Variants in SEPTIN10 observed in about 807,000 individuals in gnomAD.
SEPTIN10 encodes the protein septin 10.
SEPTIN10 carries 66 observed loss-of-function variants against 54.8 expected under a neutral mutation model. The ratio of observed to expected loss-of-function variants is 1.21; its 90% CI spans 0.99 to 1.48. The LOEUF (loss-of-function observed/expected upper bound fraction) is 1.48, where lower values mean the gene tolerates loss of function less well. SEPTIN10 is among the 40% of genes most tolerant of loss of function. The pLI is 0.00. For missense variants in SEPTIN10, 620 were observed against 545.6 expected, an observed-to-expected ratio of 1.14 and a Z score of -1.36; for synonymous variants, 161 against 181.0, an observed-to-expected ratio of 0.89 and a Z score of 0.89.
intron 1 of SEPTIN10, among the ~76,000 whole-genome samples, chr2:109,609,895 A>G (rs1284182390): frequency 4.6e-5 from 7 of 152,182 alleles, no homozygotes; most frequent in African/African-American, 1.7e-4. Context: ...CAGTCAGTGG[A>G]CTGTACTCAA....
At chr2:109,613,194 G>C (rs1163231548) in intron 1 of SEPTIN10, 1 of 1,287,768 alleles carries the variant, frequency 7.8e-7, no homozygotes, top group Non-Finnish European at 1.0e-6. Flanking sequence ...AAAACCGCTG[G>C]CTTACTAACA....
intron 2 of SEPTIN10, 145 bp downstream of exon 2, chr2:109,592,906 A>G: frequency 2.3e-6 from 1 of 442,252 alleles, no homozygotes; most frequent in Non-Finnish European, 4.0e-6. Context: ...TTTTCACTTG[A>G]ATCAACAGAA....
rs747756175 is a variant in SEPTIN10 at position 109,583,940 on chromosome 2, T to C, written c.413+1186A>G. ...TTATAAGTAAGTGGGATCTAAACATTGGGTACACATGGATATAAAGATGGC... is the reference window on the plus strand; with the variant it reads ...TTATAAGTAAGTGGGATCTAAACATCGGGTACACATGGATATAAAGATGGC... On this transcript the variant is annotated intron_variant, in intron 4 of 10. Coordinates refer to ENST00000397712, the MANE Select transcript of SEPTIN10 (RefSeq NM_144710.5). 6.3e-4 allele frequency among the ~76,000 whole-genome samples: 96 copies of C among 152,120 alleles called. 1 individual carries two copies. The highest frequency in any genetic ancestry group is 1.6e-4 in the Non-Finnish European group (11 of 68,022).
chr2:109,601,765 TAAA>T (rs199504357), intron 1 of SEPTIN10, among the ~76,000 whole-genome samples: 2 of 143,768 alleles, frequency 1.4e-5, no homozygotes, highest in Admixed American at 1.4e-4. Flanking sequence ...ACCCTGAAGT[TAAA>T]AAAAAAAAAA....
At position 109,582,216 on chromosome 2, in the gene SEPTIN10, G is replaced by A. The variant is rs562298468; in HGVS notation, c.413+2910C>T. 3.9e-5 allele frequency among the ~76,000 whole-genome samples: 6 copies of A among 152,006 alleles called. No homozygotes were observed. The South Asian group carries it at 6.2e-4, about 16-fold the overall frequency. On this transcript the variant is annotated intron_variant, in intron 4 of 10. Transcript: ENST00000397712. ...GCTGAAAGAAATCACAGATGACACC[G>A]ACAAACTGAAAAAATGCTCATGGAA...
intron 5 of SEPTIN10, among the ~76,000 whole-genome samples, chr2:109,568,600 TTC>T (rs1687622027): frequency 6.6e-6 from 1 of 152,172 alleles, no homozygotes; most frequent in African/African-American, 2.4e-5. Context: ...TCACATTTTC[TTC>T]TCTCTCAAAA....
chr2:109,568,059 A>G, intron 5 of SEPTIN10, 83 bp from the exon 6 acceptor site: 4 of 1,081,100 alleles, frequency 3.7e-6, no homozygotes, highest in Non-Finnish European at 5.3e-6. Context: ...AAAACTGTTC[A>G]TTCTGACAAT....
chr2:109,592,084 G>A (rs980733758), intron 2 of SEPTIN10, among the ~76,000 whole-genome samples: 1 of 152,146 alleles, frequency 6.6e-6, no homozygotes, highest in Non-Finnish European at 1.5e-5. Flanking sequence ...GCATCAGGGA[G>A]GCAGCTGGCA....
At chr2:109,555,631 G>A (rs1684187046) in intron 8 of SEPTIN10, among the ~76,000 whole-genome samples, 1 of 152,186 alleles carries the variant, frequency 6.6e-6, no homozygotes, top group Admixed American at 6.5e-5. Context: ...CACGACCCAG[G>A]CACAAGTGTT....
At chr2:109,567,682 C>T in intron 6 of SEPTIN10, 133 bp downstream of exon 6, 1 of 901,154 alleles carries the variant, frequency 1.1e-6, no homozygotes, top group Non-Finnish European at 1.6e-6. Flanking sequence ...TCATACTGGA[C>T]TTTTTGAAAA....
intron 8 of SEPTIN10, among the ~76,000 whole-genome samples, chr2:109,557,263 C>T: frequency 6.6e-6 from 1 of 152,112 alleles, no homozygotes; most frequent in East Asian, 1.9e-4. Context: ...TATACAAGCA[C>T]TTGAGTTGTT....
At chr2:109,563,165 C>A (rs1558744711) in intron 8 of SEPTIN10, among the ~76,000 whole-genome samples, 1 of 152,150 alleles carries the variant, frequency 6.6e-6, no homozygotes, top group African/African-American at 2.4e-5. Flanking sequence ...CCCGCCTTGG[C>A]CTCCCAAAGT....
chr2:109,591,387 G>A (rs1694036835), intron 2 of SEPTIN10, among the ~76,000 whole-genome samples: 1 of 152,084 alleles, frequency 6.6e-6, no homozygotes, highest in South Asian at 2.1e-4. Flanking sequence ...ACAAAAGAGG[G>A]GCCAGGGAAA....
chr2:109,596,423 C>T (rs1695324870), intron 1 of SEPTIN10, among the ~76,000 whole-genome samples: 1 of 151,942 alleles, frequency 6.6e-6, no homozygotes, highest in Non-Finnish European at 1.5e-5. Context: ...CAAGACCATC[C>T]TGGCTAACAC....
At position 109,565,777 on chromosome 2, in the gene SEPTIN10, C is replaced by G. The variant is rs751689147; in HGVS notation, c.845G>C (p.Trp282Ser). 6.2e-7 allele frequency: 1 copy of G among 1,613,900 alleles called. No individual in the cohort carries two copies. Among genetic ancestry groups the G allele is most frequent in the South Asian group, 1.1e-5 (1 of 91,070 alleles). Reference protein sequence around the residue: ...NKMVKARQYPWGVVQVENENH... With the variant: ...NKMVKARQYPSGVVQVENENH... ...GTCTCATTTACCTTGTACAACACCCCAAGGGTACTGGCGAGCTTTGACCAT... is the reference window on the plus strand; with the variant it reads ...GTCTCATTTACCTTGTACAACACCCGAAGGGTACTGGCGAGCTTTGACCAT... The change falls in exon 7 of 11, where the codon TGG becomes TCG. Residue 282 changes from tryptophan to serine, a missense_variant. By Grantham distance (177) the Trp-to-Ser change is radical. Transcript: ENST00000397712.
At chr2:109,574,475 A>T in intron 5 of SEPTIN10, 106 bp downstream of exon 5, 1 of 669,748 alleles carries the variant, frequency 1.5e-6, no homozygotes, top group Non-Finnish European at 2.1e-6. Context: ...AATTTAAAAA[A>T]GATGCACAGG....
chr2:109,584,400 G>A (rs1691957251), intron 4 of SEPTIN10, among the ~76,000 whole-genome samples: 1 of 150,728 alleles, frequency 6.6e-6, no homozygotes, highest in Admixed American at 6.6e-5. Flanking sequence ...GCTTGAACTG[G>A]GGAGGTGGAG....
chr2:109,550,358 G>A (rs1682603085), intron 9 of SEPTIN10, among the ~76,000 whole-genome samples: 1 of 151,348 alleles, frequency 6.6e-6, no homozygotes, highest in Non-Finnish European at 1.5e-5. Context: ...TGTTGCCCAG[G>A]CTGGAGTGCA....
rs377442440 is a variant in SEPTIN10 at position 109,553,059 on chromosome 2, G to C, written c.1161+28C>G. The C allele has an allele frequency of 3.4e-5, 55 of 1,599,148 alleles. 1 individual carries two copies. The African/African-American group carries it at 6.8e-4, about 20-fold the overall frequency. On this transcript the variant is annotated intron_variant, in intron 9 of 10. Transcript: ENST00000397712. The stretch of plus-strand genomic sequence containing the variant: ...TTAATAGGACATCTAAAAAATAAAT[G>C]CAAATCACATCAAACCAGCATACTT...
Sources: allele counts gnomAD v4.1 joint callset (sites outside exome capture counted in the v4.1 genomes callset), GRCh38; gene constraint gnomAD v4.1.1; transcripts MANE v1.5; gene names NCBI Gene and HGNC (gene_info 2026-07-23, HGNC 2026-07-21).